The following GABRA2 variants were observed in gnomAD, a reference collection of about 807,000 sequenced individuals.
GABRA2 encodes gamma-aminobutyric acid type A receptor subunit alpha2.
In GABRA2, 16 loss-of-function variants were observed where a neutral mutation model predicts 48.7. The ratio of observed to expected loss-of-function variants is 0.33; its 90% confidence interval spans 0.22 to 0.50. The LOEUF is 0.50. Ranked by LOEUF, GABRA2 falls within the 20% of genes least tolerant of loss-of-function variation. The pLI is 0.98. For synonymous variants in GABRA2, 185 were observed against 184.5 expected (o/e 1.00, Z -0.02); for missense variants, 275 against 535.6 (o/e 0.51, Z 4.80).
intron 8 of GABRA2, among the ~76,000 whole-genome samples, chr4:46,283,210 G>T (rs570526507): frequency 4.8e-4 from 73 of 152,296 alleles, no homozygotes; most frequent in African/African-American, 1.7e-3. Flanking sequence ...ATGACACACA[G>T]AAATTATTAA....
chr4:46,315,819 T>C lies in GABRA2; in HGVS notation c.256-3103A>G, dbSNP rs555762503. 4.6e-5 allele frequency among the ~76,000 whole-genome samples: 7 copies of C among 151,978 alleles called. No homozygotes were observed. In the South Asian group the frequency reaches 1.5e-3, roughly 32 times the overall value. On this transcript the variant is annotated intron_variant, in intron 4 of 9. Transcript: ENST00000381620. ...AGCAGAAATGTCATCACAAATCTTA[T>C]TGAAGCCCTTCCTCTTCTGTTTATC... is the stretch of plus-strand genomic sequence containing the variant.
chr4:46,329,938 TATTAGGGAAAATGTCTAGGGCCTTCAAG>T (rs1438895071), intron 4 of GABRA2, among the ~76,000 whole-genome samples: 1 of 152,124 alleles, frequency 6.6e-6, no homozygotes, highest in Non-Finnish European at 1.5e-5. Context: ...GGAAATGTAT[TATTAGGGAAAATGTCTAGGGCCTTCAAG>T]ATTTTCAAAA....
At chr4:46,303,142 T>G in intron 8 of GABRA2, 1 of 267,462 alleles carries the variant, frequency 3.7e-6, no homozygotes, top group South Asian at 5.5e-5. Flanking sequence ...AGAGCTATCA[T>G]TTTTTGAGCA....
At chr4:46,268,612 T>C (rs1223300473) in intron 8 of GABRA2, among the ~76,000 whole-genome samples, 1 of 151,926 alleles carries the variant, frequency 6.6e-6, no homozygotes, top group Non-Finnish European at 1.5e-5. Flanking sequence ...GCATAACTCT[T>C]ATGGAAAACA....
intron 8 of GABRA2, among the ~76,000 whole-genome samples, chr4:46,268,338 C>A (rs991341943): frequency 4.0e-5 from 6 of 151,830 alleles, no homozygotes; most frequent in East Asian, 3.9e-4. Context: ...AACTCAAACA[C>A]CTCTATAGAA....
chr4:46,268,834 G>A (rs544988492), intron 8 of GABRA2, among the ~76,000 whole-genome samples: 1 of 151,784 alleles, frequency 6.6e-6, no homozygotes, highest in Non-Finnish European at 1.5e-5. Context: ...TGGTATATAT[G>A]TACAATGGAA....
At chr4:46,357,584 G>T (rs1470195324) in intron 3 of GABRA2, among the ~76,000 whole-genome samples, 1 of 150,906 alleles carries the variant, frequency 6.6e-6, no homozygotes, top group African/African-American at 2.4e-5. Flanking sequence ...GCCAGGCACT[G>T]TTCTAGGGTC....
At chr4:46,384,376 TA>T (rs1480685240) in intron 3 of GABRA2, among the ~76,000 whole-genome samples, 2 of 152,216 alleles carry the variant, frequency 1.3e-5, no homozygotes, top group Non-Finnish European at 2.9e-5. Context: ...TGTATTGCAT[TA>T]ACCTAATTAA....
intron 8 of GABRA2, among the ~76,000 whole-genome samples, chr4:46,262,432 A>G (rs1224559077): frequency 7.9e-5 from 12 of 152,152 alleles, no homozygotes; most frequent in Non-Finnish European, 8.8e-5. Context: ...GGGATACCGA[A>G]GTAGAATTAC....
chr4:46,256,286 T>C, intron 9 of GABRA2: 2 of 696,726 alleles, frequency 2.9e-6, no homozygotes, highest in Non-Finnish European at 2.6e-6. Context: ...GAAAGCTATA[T>C]ACTTGGACCA....
At chr4:46,254,773 G>T (rs1715476483) in intron 9 of GABRA2, among the ~76,000 whole-genome samples, 1 of 151,390 alleles carries the variant, frequency 6.6e-6, no homozygotes, top group African/African-American at 2.4e-5. Context: ...AATTTCACTA[G>T]ACTTCTCTAC....
intron 8 of GABRA2, among the ~76,000 whole-genome samples, chr4:46,264,813 G>A (rs896433228): frequency 3.3e-5 from 5 of 151,448 alleles, no homozygotes; most frequent in Admixed American, 1.3e-4. Context: ...ATTTGACCTT[G>A]ATATTTTCTT....
intron 8 of GABRA2, among the ~76,000 whole-genome samples, chr4:46,262,449 G>A (rs1717174562): frequency 6.6e-6 from 1 of 152,134 alleles, no homozygotes; most frequent in East Asian, 1.9e-4. Context: ...TTACCTACAA[G>A]GAAAAGCAGG....
At chr4:46,336,555 T>G (rs1001204674) in intron 3 of GABRA2, among the ~76,000 whole-genome samples, 11 of 152,132 alleles carry the variant, frequency 7.2e-5, no homozygotes, top group Non-Finnish European at 1.2e-4. Flanking sequence ...AAGAGTAATA[T>G]GCAAAAGTAA....
chr4:46,250,986 T>C (rs1208161482), intron 9 of GABRA2, among the ~76,000 whole-genome samples: 3 of 151,560 alleles, frequency 2.0e-5, no homozygotes, highest in Non-Finnish European at 3.0e-5. Context: ...GGAATGATAA[T>C]CTACAATGAA....
intron 8 of GABRA2, among the ~76,000 whole-genome samples, chr4:46,277,203 A>T (rs1251848989): frequency 6.6e-6 from 1 of 151,990 alleles, no homozygotes; most frequent in Non-Finnish European, 1.5e-5. Flanking sequence ...AGGCTCTCTA[A>T]TTTTCCTTGC....
At chr4:46,347,883 C>G (rs1044382792) in intron 3 of GABRA2, among the ~76,000 whole-genome samples, 6 of 151,720 alleles carry the variant, frequency 4.0e-5, no homozygotes, top group African/African-American at 1.5e-4. Flanking sequence ...AAAAGAAACC[C>G]AAACTACCCA....
intron 8 of GABRA2, among the ~76,000 whole-genome samples, chr4:46,271,066 GA>G (rs1719235866): frequency 6.6e-6 from 1 of 151,722 alleles, no homozygotes; most frequent in South Asian, 2.1e-4. Context: ...ATTTAAATCA[GA>G]AAGACAAAAT....
In GABRA2 at chr4:46,250,131, G is replaced by T. The variant is rs1714447325; in HGVS notation, c.*177C>A. 10 of 549,026 alleles carry T rather than the reference G, an allele frequency of 1.8e-5. No individual in the cohort carries two copies. In the South Asian group the frequency reaches 2.8e-4, roughly 15 times the overall value. The allele number at this position is 549,026 out of a possible 1,614,324, so 34.0% of individuals were successfully genotyped here. On this transcript the variant is annotated 3_prime_UTR_variant, in exon 10 of 10. Transcript: ENST00000381620. ...TTTTCGCATGGAGTGCTTTCTGTCT[G>T]CAGTTCCATGAGTTAGCAAATGCAT...
Sources: allele counts gnomAD v4.1 joint callset (sites outside exome capture counted in the v4.1 genomes callset), GRCh38; gene constraint gnomAD v4.1.1; transcripts MANE v1.5; gene names NCBI Gene and HGNC (gene_info 2026-07-23, HGNC 2026-07-21).